Variants in CACNB4 observed in about 807,000 individuals in gnomAD.
CACNB4 encodes the protein calcium voltage-gated channel auxiliary subunit beta 4.
In CACNB4, 32 loss-of-function variants were observed where a neutral mutation model predicts 71.2. The observed-to-expected ratio is 0.45, with a 90% CI of 0.34 to 0.60. CACNB4 has a LOEUF of 0.60. Ranked by LOEUF, CACNB4 falls within the 20% of genes least tolerant of loss-of-function variation. The pLI is 0.01. For synonymous variants in CACNB4, 231 were observed against 236.9 expected (o/e 0.97, Z 0.23); for missense variants, 464 against 647.9 (o/e 0.72, Z 3.08).
At position 152,096,440 on chromosome 2, in the gene CACNB4, C is replaced by T. The variant is rs566084527; in HGVS notation, c.147+1890G>A. ...CAGAGCTTGCAGTAAGCAGAGACTG[C>T]GTCACTGCACCCCAGCCTGGGCGAC... On this transcript the variant is annotated intron_variant, in intron 2 of 13. Coordinates refer to ENST00000539935, the MANE Select transcript of CACNB4 (RefSeq NM_000726.5). Among the ~76,000 whole-genome samples the T allele has an allele frequency of 6.6e-5, 10 of 152,114 alleles. 1 individual carries two copies. The South Asian group carries it at 1.9e-3, about 28-fold the overall frequency.
chr2:151,960,702 A>G (rs1224901193), intron 2 of CACNB4, among the ~76,000 whole-genome samples: 1 of 152,228 alleles, frequency 6.6e-6, no homozygotes, highest in Non-Finnish European at 1.5e-5. Context: ...TTCTGCACTC[A>G]GGATTCCAGC....
intron 6 of CACNB4, 24 bp downstream of exon 6, chr2:151,872,393 A>C: frequency 7.2e-7 from 1 of 1,397,562 alleles, no homozygotes; most frequent in Non-Finnish European, 1.0e-6. Context: ...AGTGTATGAA[A>C]AAGAGTTTAA....
intron 2 of CACNB4, among the ~76,000 whole-genome samples, chr2:152,096,353 G>A (rs1688267562): frequency 6.6e-6 from 1 of 152,182 alleles, no homozygotes; most frequent in African/African-American, 2.4e-5. Flanking sequence ...GCGTGATGGC[G>A]GGTGCCTGTA....
chr2:152,032,493 T>C (rs1684339451), intron 2 of CACNB4, among the ~76,000 whole-genome samples: 1 of 152,186 alleles, frequency 6.6e-6, no homozygotes, highest in South Asian at 2.1e-4. Context: ...CCACAATTAA[T>C]TACAAATTCC....
chr2:151,971,431 A>T (rs2099872525), intron 2 of CACNB4: 1 of 696,210 alleles, frequency 1.4e-6, no homozygotes, highest in Non-Finnish European at 2.6e-6. Context: ...CTCAGCTTTT[A>T]GTGCCTATAT....
At chr2:151,988,029 C>G (rs1443258325) in intron 2 of CACNB4, among the ~76,000 whole-genome samples, 1 of 152,120 alleles carries the variant, frequency 6.6e-6, no homozygotes, top group Non-Finnish European at 1.5e-5. Context: ...AGTAATTTAT[C>G]GCCAACTGAA....
intron 2 of CACNB4, among the ~76,000 whole-genome samples, chr2:152,013,488 G>T (rs115312479): frequency 1.3e-5 from 2 of 152,146 alleles, no homozygotes; most frequent in African/African-American, 4.8e-5. Flanking sequence ...GGGCAGGAGA[G>T]GTGCCTTTAG....
At chr2:151,886,366 A>C (rs1356819992) in intron 2 of CACNB4, among the ~76,000 whole-genome samples, 1 of 152,234 alleles carries the variant, frequency 6.6e-6, no homozygotes, top group Admixed American at 6.5e-5. Flanking sequence ...TGAGTCAAGC[A>C]GCTGAATACA....
At position 151,898,257 on chromosome 2, in the gene CACNB4, C is replaced by T. The variant is rs146320052; in HGVS notation, c.148-14887G>A. On this transcript the variant is annotated intron_variant, in intron 2 of 13. Transcript: ENST00000539935. The stretch of plus-strand genomic sequence containing the variant: ...GCTGACACTCCTGACCTGCTGTCTC[C>T]TCTGGGCTGCGTGGCTCTGAACTCG... Among the ~76,000 whole-genome samples the T allele has an allele frequency of 3.9e-5, 6 of 152,314 alleles. No individual in the cohort carries two copies. The East Asian group carries it at 1.2e-3, about 29-fold the overall frequency.
At position 151,870,452 on chromosome 2, in the gene CACNB4, C is replaced by T. The variant is rs751574233; in HGVS notation, c.699+79G>A. On this transcript the variant is annotated intron_variant, in intron 8 of 13. Transcript: ENST00000539935. ...CCATCAGGACCCACGTGGAAACAGA[C>T]CCTTGAGGAGCAAGCGTCAACATGA... 6.6e-6 allele frequency: 8 copies of T among 1,217,116 alleles called. No homozygotes were observed. The East Asian group carries it at 1.2e-4, about 19-fold the overall frequency. The allele number at this position is 1,217,116 out of a possible 1,614,324, so 75.4% of individuals were successfully genotyped here. A position where few individuals can be genotyped will look rare whatever the true frequency, so the allele number is the denominator to read the frequency against.
intron 2 of CACNB4, among the ~76,000 whole-genome samples, chr2:152,069,380 C>T (rs1686533741): frequency 6.6e-6 from 1 of 152,084 alleles, no homozygotes. Flanking sequence ...TGGGTCAAGA[C>T]CTCAAAGCCT....
intron 6 of CACNB4, chr2:151,871,493 A>G (rs1472521521): frequency 6.6e-6 from 1 of 152,386 alleles, no homozygotes; most frequent in Non-Finnish European, 1.5e-5. Flanking sequence ...TGTCCAACAA[A>G]TGGGAACGAA....
intron 2 of CACNB4, among the ~76,000 whole-genome samples, chr2:152,026,206 G>A (rs1039645079): frequency 2.0e-5 from 3 of 152,052 alleles, no homozygotes; most frequent in Admixed American, 1.3e-4. Context: ...TTACAGACCG[G>A]CCCTTCCACT....
chr2:151,950,527 T>C (rs2099866661), intron 2 of CACNB4, among the ~76,000 whole-genome samples: 1 of 152,192 alleles, frequency 6.6e-6, no homozygotes, highest in South Asian at 2.1e-4. Flanking sequence ...CCATGAATGT[T>C]CCCAGCAGCA....
intron 2 of CACNB4, among the ~76,000 whole-genome samples, chr2:152,032,124 C>A (rs143194393): frequency 4.1e-4 from 62 of 152,240 alleles, no homozygotes; most frequent in Middle Eastern, 3.4e-3. Flanking sequence ...AGGCACATGA[C>A]CAAGTCTGAT....
intron 2 of CACNB4, among the ~76,000 whole-genome samples, chr2:151,937,244 A>G (rs1412556207): frequency 1.3e-5 from 2 of 152,156 alleles, no homozygotes; most frequent in East Asian, 3.8e-4. Context: ...CTCCTTTCCA[A>G]TCCCCCTCTC....
chr2:151,998,314 CCAAAAAAAAAAA>C (rs767306530), intron 2 of CACNB4, among the ~76,000 whole-genome samples: 1 of 41,490 alleles, frequency 2.4e-5, no homozygotes, highest in African/African-American at 1.4e-4. Flanking sequence ...AACTCCATCT[CCAAAAAAAAAAA>C]AAAAAAAAAA....
chr2:151,939,973 A>C (rs1173738037), intron 2 of CACNB4, among the ~76,000 whole-genome samples: 1 of 152,232 alleles, frequency 6.6e-6, no homozygotes, highest in Non-Finnish European at 1.5e-5. Context: ...TTTTATATCC[A>C]AAAATCTGCC....
intron 12 of CACNB4, among the ~76,000 whole-genome samples, chr2:151,847,498 A>G (rs2151333043): frequency 6.6e-6 from 1 of 152,184 alleles, no homozygotes; most frequent in Non-Finnish European, 1.5e-5. Context: ...TCATATCAAA[A>G]CTCCATTCTT....
Sources: allele counts gnomAD v4.1 joint callset (sites outside exome capture counted in the v4.1 genomes callset), GRCh38; gene constraint gnomAD v4.1.1; transcripts MANE v1.5; gene names NCBI Gene and HGNC (gene_info 2026-07-23, HGNC 2026-07-21).